Variants in MSH3 observed in about 807,000 individuals in gnomAD.
The protein encoded by MSH3 is mutS homolog 3, also known as DNA mismatch repair protein Msh3.
A neutral mutation model predicts 123.3 loss-of-function variants in MSH3; 106 were observed. The ratio of observed to expected loss-of-function variants is 0.86; its 90% confidence interval spans 0.73 to 1.01. The LOEUF (loss-of-function observed/expected upper bound fraction) is 1.01, where lower values mean the gene tolerates loss of function less well. Ranked by LOEUF, MSH3 falls within the 50% of genes least tolerant of loss-of-function variation. The pLI is 0.00. For missense variants in MSH3, 1,459 were observed against 1,347.6 expected (o/e 1.08, Z -1.29); for synonymous variants, 515 against 481.4 (o/e 1.07, Z -0.91).
chr5:80,665,416 A>G, intron 3 of MSH3, 53 bp downstream of exon 3: 3 of 1,376,736 alleles, frequency 2.2e-6, no homozygotes, highest in Non-Finnish European at 3.1e-6. Flanking sequence ...TGGGTTCTGA[A>G]GTACTGTCAG....
intron 17 of MSH3, among the ~76,000 whole-genome samples, chr5:80,784,612 T>C (rs908703943): frequency 6.6e-6 from 1 of 152,154 alleles, no homozygotes; most frequent in African/African-American, 2.4e-5. Flanking sequence ...CTATTGACTA[T>C]AGTAATCCTA....
At chr5:80,714,130 C>CTTT (rs34918629) in intron 8 of MSH3, among the ~76,000 whole-genome samples, 1,174 of 85,764 alleles carry the variant, frequency 0.014, 15 homozygotes, top group Middle Eastern at 0.033. Context: ...TTCAAATAGA[C>CTTT]TTTTTTTTTT....
rs1416806331 is a variant in MSH3 at position 80,808,776 on chromosome 5, C to G, written c.2656-4808C>G. 2.0e-5 allele frequency among the ~76,000 whole-genome samples: 3 copies of G among 147,676 alleles called. No homozygotes were observed. The East Asian group carries it at 6.0e-4, about 29-fold the overall frequency. The stretch of plus-strand genomic sequence containing the variant: ...AAAAGCCAGCAGTTTCTGTGTAGTT[C>G]AATATAAAAAATGTTATTCCTTTTG... On this transcript the variant is annotated intron_variant, in intron 19 of 23. Coordinates refer to ENST00000265081, the MANE Select transcript of MSH3 (RefSeq NM_002439.5).
At chr5:80,700,254 G>A (rs1750578571) in intron 8 of MSH3, among the ~76,000 whole-genome samples, 1 of 152,134 alleles carries the variant, frequency 6.6e-6, no homozygotes, top group African/African-American at 2.4e-5. Flanking sequence ...GATGGCACGT[G>A]CCTGTAATCC....
At chr5:80,868,608 G>A (rs1449530680) in intron 22 of MSH3, among the ~76,000 whole-genome samples, 1 of 139,730 alleles carries the variant, frequency 7.2e-6, no homozygotes, top group East Asian at 2.1e-4. Flanking sequence ...ATACACTGGG[G>A]CCTACTAGAT....
chr5:80,857,233 A>C (rs1341228313), intron 21 of MSH3, among the ~76,000 whole-genome samples: 1 of 152,158 alleles, frequency 6.6e-6, no homozygotes, highest in Non-Finnish European at 1.5e-5. Context: ...AGTCTTACAC[A>C]CTTGGGATGA....
At chr5:80,730,236 G>A (rs966348536) in intron 10 of MSH3, among the ~76,000 whole-genome samples, 2 of 152,168 alleles carry the variant, frequency 1.3e-5, no homozygotes, top group Non-Finnish European at 2.9e-5. Context: ...AAAATTTCAT[G>A]AACAGTATAT....
At chr5:80,828,490 C>G (rs1010757290) in intron 20 of MSH3, among the ~76,000 whole-genome samples, 2 of 152,172 alleles carry the variant, frequency 1.3e-5, no homozygotes, top group African/African-American at 2.4e-5. Flanking sequence ...CCCCTGGCCC[C>G]CACAAATTCT....
At position 80,813,614 on chromosome 5, in the gene MSH3, G is replaced by T. The variant is rs777054839; in HGVS notation, c.2686G>T (p.Gly896Ter). 2.0e-5 allele frequency: 33 copies of T among 1,613,852 alleles called. No homozygotes were observed. Among genetic ancestry groups the T allele is most frequent in the Non-Finnish European group, 2.8e-5 (33 of 1,179,992 alleles). ...CTCAGAGAGAGTAATGATAATTACC[G>T]GACCAAACATGGGTGGAAAGAGCTC... ...EDSERVMIITGPNMGGKSSYI... is the reference protein window; with the variant it reads ...EDSERVMIIT Residue 896 changes from glycine to a stop codon, truncating the protein, a stop_gained, in exon 20 of 24, where the codon GGA becomes TGA. Coordinates refer to ENST00000265081, the MANE Select transcript of MSH3 (RefSeq NM_002439.5). LOFTEE classifies it high-confidence loss of function.
At position 80,827,413 on chromosome 5, in the gene MSH3, T is replaced by C. The variant is rs1391678883; in HGVS notation, c.2813+13672T>C. Among the ~76,000 whole-genome samples the C allele has an allele frequency of 2.0e-5, 3 of 152,212 alleles. No individual in the cohort carries two copies. In the East Asian group the frequency reaches 5.8e-4, roughly 29 times the overall value. ...TGGAAGATAATAGACATTCAAGTAC[T>C]TAGTAACTTATTTGTTTGCCCAACT... On this transcript the variant is annotated intron_variant, in intron 20 of 23. Transcript: ENST00000265081.
intron 8 of MSH3, among the ~76,000 whole-genome samples, chr5:80,686,082 C>T (rs928710086): frequency 2.6e-5 from 4 of 152,074 alleles, no homozygotes; most frequent in Non-Finnish European, 4.4e-5. Context: ...GATCTAATCT[C>T]GAGAATGTTT....
chr5:80,743,084 G>A (rs1743646375), intron 11 of MSH3, among the ~76,000 whole-genome samples: 3 of 152,102 alleles, frequency 2.0e-5, no homozygotes, highest in South Asian at 4.1e-4. Context: ...TTTCCAAGGA[G>A]CAATGGAAAG....
chr5:80,831,086 C>G (rs1745407423), intron 20 of MSH3, among the ~76,000 whole-genome samples: 1 of 152,056 alleles, frequency 6.6e-6, no homozygotes, highest in Non-Finnish European at 1.5e-5. Context: ...ATCAAAAATG[C>G]ACTTAATACT....
At chr5:80,729,158 G>T (rs1019020234) in intron 10 of MSH3, among the ~76,000 whole-genome samples, 193 bp downstream of exon 10, 1 of 152,110 alleles carries the variant, frequency 6.6e-6, no homozygotes, top group African/African-American at 2.4e-5. Context: ...GCTCATGCCT[G>T]TAATCCCAGC....
At chr5:80,672,895 T>TA in intron 6 of MSH3, 37 bp downstream of exon 6, 1 of 1,459,150 alleles carries the variant, frequency 6.9e-7, no homozygotes, top group Non-Finnish European at 9.6e-7. Context: ...TCTTAAATGA[T>TA]ACAAGGGCTT....
At chr5:80,776,724 A>C (rs1257072096) in intron 16 of MSH3, among the ~76,000 whole-genome samples, 8 of 151,792 alleles carry the variant, frequency 5.3e-5, no homozygotes, top group Admixed American at 5.3e-4. Flanking sequence ...TGTTATCAAT[A>C]AGTTGCACAA....
At chr5:80,701,850 C>T (rs1750616939) in intron 8 of MSH3, among the ~76,000 whole-genome samples, 1 of 152,008 alleles carries the variant, frequency 6.6e-6, no homozygotes, top group African/African-American at 2.4e-5. Context: ...GTTTTCAGGC[C>T]AGGAATTTCT....
rs1750763901 is a variant in MSH3 at position 80,708,217 on chromosome 5, T to C, written c.1341-17236T>C. On this transcript the variant is annotated intron_variant, in intron 8 of 23. Transcript: ENST00000265081. ...TGTATCTTAAGAAATCTTTGCCTAC[T>C]CCAACATCATGAACATTTTCTCATA... 1.3e-5 allele frequency among the ~76,000 whole-genome samples: 2 copies of C among 152,182 alleles called. 1 individual carries two copies. The highest frequency in any genetic ancestry group is 2.9e-5 in the Non-Finnish European group (2 of 68,048).
rs556972887 is a variant in MSH3, at chr5:80,869,570, G to A, written c.3131-3546G>A. ...CAGGCGATTATAGAAGAGTGGTTGC[G>A]TTCTTTACCTTGAAGATATGAGAAC... On this transcript the variant is annotated intron_variant, in intron 22 of 23. Transcript: ENST00000265081. 1.1e-4 allele frequency among the ~76,000 whole-genome samples: 16 copies of A among 151,964 alleles called. No homozygotes were observed. In the East Asian group the frequency reaches 1.2e-3, roughly 11 times the overall value.
Sources: gnomAD v4.1 joint callset for allele counts (sites outside exome capture counted in the v4.1 genomes callset) on GRCh38, gnomAD v4.1.1 for gene constraint, MANE v1.5 for transcripts, NCBI Gene and HGNC (gene_info 2026-07-23, HGNC 2026-07-21) for gene names.